RUVBL2: variants seen among roughly 807,000 people sequenced by gnomAD.
RUVBL2 encodes ruvB-like 2.
Under a neutral mutation model 57.9 loss-of-function variants are expected in RUVBL2, and 9 were observed. The observed-to-expected ratio is 0.16, with a 90% CI of 0.09 to 0.27. The LOEUF is 0.27. Ranked by LOEUF, RUVBL2 falls within the 10% of genes least tolerant of loss-of-function variation. The probability of loss-of-function intolerance (pLI) is 1.00; values close to 1 mark genes in which losing one functional copy is unlikely to be tolerated. For synonymous variants in RUVBL2, 278 were observed against 264.6 expected, an observed-to-expected ratio of 1.05 and a Z score of -0.49; for missense variants, 456 against 669.6, an observed-to-expected ratio of 0.68 and a Z score of 3.52.
At chr19:49,009,390 G>A (rs1460716353) in intron 6 of RUVBL2, among the ~76,000 whole-genome samples, 1 of 151,698 alleles carries the variant, frequency 6.6e-6, no homozygotes, top group Admixed American at 6.6e-5. Flanking sequence ...GGGAGGCTGA[G>A]GCAGGAGAAT....
chr19:49,010,394 G>A (rs572005155), intron 8 of RUVBL2, 94 bp from the exon 9 acceptor site: 2 of 1,248,412 alleles, frequency 1.6e-6, no homozygotes, highest in Non-Finnish European at 1.2e-6. Context: ...ATTTCCTGGA[G>A]CTCCAGTCTC....
intron 2 of RUVBL2, chr19:49,001,353 G>T (rs919967386): frequency 6.6e-6 from 1 of 151,318 alleles, no homozygotes; most frequent in African/African-American, 2.4e-5. Flanking sequence ...TAGTAGAGAT[G>T]GAGTTTCCCC....
rs373648644 is a variant in RUVBL2 at position 49,002,745 on chromosome 19, C to T, written c.68-534C>T. Among the ~76,000 whole-genome samples the T allele has an allele frequency of 3.5e-3, 528 of 152,010 alleles. 2 individuals are homozygous for T. The highest frequency in any genetic ancestry group is 0.012 in the African/African-American group (491 of 41,456). ...GATTACAGTCATCTGCCACCATGCC[C>T]AGCTAATTTTTGTATTTTTAGTAGA... On this transcript the variant is annotated intron_variant, in intron 2 of 14. Transcript: ENST00000595090.
chr19:49,011,275 T>C lies in RUVBL2; in HGVS notation c.966T>C (p.Pro322=). 6.2e-7 allele frequency: 1 copy of C among 1,613,894 alleles called. No homozygotes were observed. The highest frequency in any genetic ancestry group is 2.2e-5 in the East Asian group (1 of 44,882). Residue 322 remains proline, a synonymous_variant, in exon 11 of 15, where the codon CCT becomes CCC. Coordinates refer to ENST00000595090, the MANE Select transcript of RUVBL2 (RefSeq NM_006666.3). The surrounding 1 kb of genome is among the most constrained non-coding windows in gnomAD (Gnocchi z 4.4). ...GGGCCCTGGAGAGTGACATGGCGCC[T>C]GTCCTGATCATGGCCACCAACCGTG... ...LNRALESDMA[P]VLIMATNRGI... is the part of the protein sequence containing the mutation.
chr19:49,009,446 T>C (rs1346441087), intron 6 of RUVBL2, among the ~76,000 whole-genome samples: 3 of 148,994 alleles, frequency 2.0e-5, no homozygotes, highest in South Asian at 2.1e-4. Context: ...GAGATCATGC[T>C]ACTACACTCC....
At position 49,009,861 on chromosome 19, in the gene RUVBL2, C is replaced by A; in HGVS notation, c.548C>A (p.Thr183Asn). The A allele has an allele frequency of 1.2e-6, 2 of 1,614,086 alleles. No individual in the cohort carries two copies. The highest frequency in any genetic ancestry group is 1.7e-6 in the Non-Finnish European group (2 of 1,179,988). The change falls in exon 7 of 15, where the codon ACC (threonine) becomes AAC (asparagine). Residue 183 changes from threonine (T) to asparagine (N), a missense_variant. By Grantham distance (65) the Thr-to-Asn change is moderately conservative. This residue lies in a region of RUVBL2 where 233 missense variants were observed against 306.0 expected (regional missense o/e 0.76). Coordinates refer to ENST00000595090, the MANE Select transcript of RUVBL2 (RefSeq NM_006666.3). ...GGCACCAAGATGATTGAGTCCCTGA[C>A]CAAGGACAAGGTCCAGGCCGGGTGA... The part of the protein sequence containing the change: ...DLGTKMIESL[T>N]KDKVQAGDVI...
chr19:49,013,108 C>T (rs1223282078), intron 11 of RUVBL2, among the ~76,000 whole-genome samples: 2 of 152,102 alleles, frequency 1.3e-5, no homozygotes, highest in African/African-American at 2.4e-5. Context: ...GGATTATGGG[C>T]ACCCGCCACC....
At chr19:49,010,868 G>C in intron 9 of RUVBL2, 131 bp from the exon 10 acceptor site, 2 of 912,224 alleles carry the variant, frequency 2.2e-6, no homozygotes, top group Non-Finnish European at 3.4e-6. Flanking sequence ...GGATGTTTCA[G>C]GCTCCTCATC....
chr19:49,008,577 G>A (rs1010099689), intron 6 of RUVBL2, among the ~76,000 whole-genome samples: 4 of 151,504 alleles, frequency 2.6e-5, no homozygotes, highest in Admixed American at 6.6e-5. Context: ...CAGGCGCAGT[G>A]GCTCACACCT....
At chr19:48,996,531 T>TGTGTGTGC (rs2039065085) in intron 1 of RUVBL2, among the ~76,000 whole-genome samples, 1 of 151,464 alleles carries the variant, frequency 6.6e-6, no homozygotes, top group African/African-American at 2.4e-5. Context: ...TGTGTGTGTG[T>TGTGTGTGC]GTGTGTGTGT....
intron 11 of RUVBL2, among the ~76,000 whole-genome samples, chr19:49,013,046 C>T (rs906527032): frequency 6.6e-6 from 1 of 152,244 alleles, no homozygotes; most frequent in African/African-American, 2.4e-5. Flanking sequence ...TCACTGCAAC[C>T]TCTGCCTTCT....
intron 13 of RUVBL2, 36 bp downstream of exon 13, chr19:49,015,186 C>T (rs772292422): frequency 3.4e-5 from 54 of 1,593,398 alleles, no homozygotes; most frequent in South Asian, 6.8e-5. Context: ...GGCCAGATGG[C>T]GGCAGTGAGT....
At chr19:49,005,540 G>C (rs1168988965) in intron 4 of RUVBL2, among the ~76,000 whole-genome samples, 1 of 152,202 alleles carries the variant, frequency 6.6e-6, no homozygotes, top group South Asian at 2.1e-4. Flanking sequence ...ATGGCCAGGA[G>C]GCTCCTGGGC....
Position 48,993,936 on chromosome 19 carries a change from G to A in RUVBL2, c.12+13G>A, listed in dbSNP as rs1445729337. The A allele has an allele frequency of 1.2e-6, 2 of 1,614,066 alleles. No individual in the cohort carries two copies. Among genetic ancestry groups the A allele is most frequent in the Non-Finnish European group, 1.7e-6 (2 of 1,179,996 alleles). ...CATGGCAACCGTTGTAAGTGTGGGT[G>A]CATGGAGGGTGAGGAGCGAGCTAGC... On this transcript the variant is annotated intron_variant, in intron 1 of 14. Coordinates refer to ENST00000595090, the MANE Select transcript of RUVBL2 (RefSeq NM_006666.3).
At chr19:49,007,699 GCT>G (rs935827502) in intron 6 of RUVBL2, among the ~76,000 whole-genome samples, 4 of 151,270 alleles carry the variant, frequency 2.6e-5, no homozygotes, top group African/African-American at 7.3e-5. Context: ...CAGGTGATTT[GCT>G]CTCTCTTTTT....
chr19:48,994,031 G>T, intron 1 of RUVBL2, 108 bp downstream of exon 1: 2 of 1,365,110 alleles, frequency 1.5e-6, no homozygotes, highest in Non-Finnish European at 2.1e-6. Flanking sequence ...GGGATCTGGG[G>T]GTTCAGACTC....
intron 6 of RUVBL2, among the ~76,000 whole-genome samples, chr19:49,009,203 T>C (rs1361367762): frequency 3.2e-5 from 4 of 125,842 alleles, no homozygotes; most frequent in Non-Finnish European, 6.5e-5. Flanking sequence ...AAAAGAGCTT[T>C]ATTCACCAGG....
chr19:48,995,639 A>G (rs1361775269), intron 1 of RUVBL2, among the ~76,000 whole-genome samples: 1 of 151,512 alleles, frequency 6.6e-6, no homozygotes. Context: ...GCTTGAGCCC[A>G]GGAATTTAAG....
In RUVBL2 at chr19:49,010,033, A is replaced by G. The variant is rs1424126216; in HGVS notation, c.630A>G (p.Thr210=). The part of the protein sequence containing the change: ...GKISKLGRSF[T]RARDYDAMGS... ...TCTCCAAGCTGGGCCGCTCCTTCAC[A>G]CGCGCCCGCGACTACGACGCTATGG... Residue 210 remains threonine, a synonymous_variant, in exon 8 of 15, where the codon ACA becomes ACG. Transcript: ENST00000595090. 6.3e-7 allele frequency: 1 copy of G among 1,594,338 alleles called. No homozygotes were observed. Among genetic ancestry groups the G allele is most frequent in the South Asian group, 1.1e-5 (1 of 88,474 alleles).
Sources: allele counts gnomAD v4.1 joint callset (sites outside exome capture counted in the v4.1 genomes callset), GRCh38; gene constraint gnomAD v4.1.1; regional missense constraint gnomAD v4.1.1; non-coding constraint Gnocchi (gnomAD v3.1); transcripts MANE v1.5; gene names NCBI Gene and HGNC (gene_info 2026-07-23, HGNC 2026-07-21).